CENPW: variants seen among roughly 807,000 people sequenced by gnomAD.
CENPW encodes the protein centromere protein W.
A neutral mutation model predicts 11.1 loss-of-function variants in CENPW; 3 were observed. The ratio of observed to expected loss-of-function variants is 0.27; its 90% CI spans 0.12 to 0.70. The LOEUF is 0.70. Among genes scored for constraint, CENPW ranks in the 30% least tolerant of loss-of-function variants. The pLI, the probability that CENPW is intolerant of heterozygous loss-of-function variation, is 0.77. For synonymous variants in CENPW, 38 were observed against 42.0 expected, an observed-to-expected ratio of 0.91 and a Z score of 0.37; for missense variants, 100 against 105.6, an observed-to-expected ratio of 0.95 and a Z score of 0.23.
intron 2 of CENPW, among the ~76,000 whole-genome samples, chr6:126,347,388 G>A (rs1448928828): frequency 1.3e-5 from 2 of 152,112 alleles, no homozygotes; most frequent in Non-Finnish European, 2.9e-5. Context: ...CTATAGTCAT[G>A]TAAAGTTATG....
chr6:126,405,275 A>G, the CENPW span, among the ~76,000 whole-genome samples: 1 of 151,966 alleles, frequency 6.6e-6, no homozygotes, highest in Non-Finnish European at 1.5e-5. Flanking sequence ...TCAATGTATT[A>G]ATATGTTCTT....
At chr6:126,481,468 C>A in the CENPW span, among the ~76,000 whole-genome samples, 1 of 152,018 alleles carries the variant, frequency 6.6e-6, no homozygotes, top group Admixed American at 6.6e-5. Context: ...ATCCTTCTTG[C>A]TGTGTCCTAT....
At chr6:126,464,045 A>G in the CENPW span, among the ~76,000 whole-genome samples, 1 of 152,136 alleles carries the variant, frequency 6.6e-6, no homozygotes, top group African/African-American at 2.4e-5. Context: ...ATGAACATAT[A>G]TGTTATTGTT....
chr6:126,389,240 C>G, the CENPW span, among the ~76,000 whole-genome samples: 1 of 151,954 alleles, frequency 6.6e-6, no homozygotes, highest in African/African-American at 2.4e-5. Flanking sequence ...TGCCATGACA[C>G]AGATGTGGGA....
the CENPW span, among the ~76,000 whole-genome samples, chr6:126,423,305 C>G: frequency 1.3e-5 from 2 of 152,012 alleles, no homozygotes; most frequent in Non-Finnish European, 2.9e-5. Flanking sequence ...TTTCCTCTCT[C>G]TTCTACATTT....
chr6:126,396,618 A>G, the CENPW span, among the ~76,000 whole-genome samples: 1 of 152,098 alleles, frequency 6.6e-6, no homozygotes, highest in Non-Finnish European at 1.5e-5. Context: ...CTCAAGCAGA[A>G]GGAGTCTCTC....
At chr6:126,453,699 C>T in the CENPW span, among the ~76,000 whole-genome samples, 1 of 151,060 alleles carries the variant, frequency 6.6e-6, no homozygotes, top group Non-Finnish European at 1.5e-5. Context: ...CAAATCTGCA[C>T]ATATTAATAT....
chr6:126,412,654 CCT>C, the CENPW span, among the ~76,000 whole-genome samples: 2 of 152,064 alleles, frequency 1.3e-5, no homozygotes, highest in African/African-American at 4.8e-5. Context: ...TGCTTTCTCT[CCT>C]CTCCTTCTGG....
the CENPW span, among the ~76,000 whole-genome samples, chr6:126,422,374 C>T: frequency 3.9e-5 from 6 of 152,006 alleles, no homozygotes; most frequent in Non-Finnish European, 7.4e-5. Context: ...TTCTGGAGAC[C>T]GGAAATCTAA....
At chr6:126,465,393 A>T in the CENPW span, among the ~76,000 whole-genome samples, 1 of 152,144 alleles carries the variant, frequency 6.6e-6, no homozygotes, top group Non-Finnish European at 1.5e-5. Context: ...TAATAAATGG[A>T]TAAAATACCT....
At chr6:126,409,379 G>A in the CENPW span, among the ~76,000 whole-genome samples, 2 of 152,100 alleles carry the variant, frequency 1.3e-5, no homozygotes, top group Admixed American at 6.6e-5. Context: ...ATGTGTTCAT[G>A]AGAAGAATGT....
intron 2 of CENPW, among the ~76,000 whole-genome samples, chr6:126,348,237 A>T (rs1467650781): frequency 6.6e-6 from 1 of 152,010 alleles, no homozygotes; most frequent in Non-Finnish European, 1.5e-5. Flanking sequence ...GGTTTTTAGA[A>T]TCTAGGCATG....
At chr6:126,404,918 A>G in the CENPW span, among the ~76,000 whole-genome samples, 2 of 149,740 alleles carry the variant, frequency 1.3e-5, no homozygotes, top group Non-Finnish European at 3.0e-5. Context: ...TTTGTTGGAT[A>G]AATACTTTGC....
chr6:126,435,274 A>G, the CENPW span, among the ~76,000 whole-genome samples: 1 of 151,932 alleles, frequency 6.6e-6, no homozygotes, highest in African/African-American at 2.4e-5. Context: ...AAAAGTGGAA[A>G]AATATTTTTT....
the CENPW span, among the ~76,000 whole-genome samples, chr6:126,467,409 A>G: frequency 2.6e-5 from 4 of 152,296 alleles, no homozygotes; most frequent in South Asian, 2.1e-4. Context: ...TTCTTACTCA[A>G]TAACGGTGCT....
chr6:126,405,337 G>A, the CENPW span, among the ~76,000 whole-genome samples: 3 of 151,902 alleles, frequency 2.0e-5, no homozygotes, highest in Non-Finnish European at 2.9e-5. Flanking sequence ...TTATTTCTAG[G>A]TTCTGTTTTC....
At chr6:126,424,678 G>A in the CENPW span, among the ~76,000 whole-genome samples, 2 of 152,042 alleles carry the variant, frequency 1.3e-5, no homozygotes, top group African/African-American at 2.4e-5. Flanking sequence ...ATTTTTGGAG[G>A]CAGCTGTTTT....
the CENPW span, among the ~76,000 whole-genome samples, chr6:126,405,321 A>C: frequency 6.6e-6 from 1 of 152,008 alleles, no homozygotes; most frequent in African/African-American, 2.4e-5. Context: ...TTGTAGATAC[A>C]TGGATTTATT....
chr6:126,351,149 A>AGTGT (rs71024750), downstream of CENPW, among the ~76,000 whole-genome samples: 57,868 of 146,950 alleles, frequency 0.39, 12,785 homozygotes, highest in East Asian at 0.93. Flanking sequence ...AGAGAGAGTG[A>AGTGT]GTGTGTGTGT....
Sources: allele counts gnomAD v4.1 joint callset (sites outside exome capture counted in the v4.1 genomes callset), GRCh38; gene constraint gnomAD v4.1.1; transcripts MANE v1.5; gene names NCBI Gene and HGNC (gene_info 2026-07-23, HGNC 2026-07-21).